Variants in CFAP20DC observed in about 807,000 individuals in gnomAD.
CFAP20DC encodes the protein CFAP20 domain containing, also known as protein CFAP20DC.
A neutral mutation model predicts 101.7 loss-of-function variants in CFAP20DC; 84 were observed. The ratio of observed to expected loss-of-function variants is 0.83; its 90% confidence interval spans 0.69 to 0.99. The LOEUF is 0.99. CFAP20DC is among the 50% of genes least tolerant of loss of function. The pLI, the probability that CFAP20DC is intolerant of heterozygous loss-of-function variation, is 0.00. For missense variants in CFAP20DC, 1,007 were observed against 970.3 expected (o/e 1.04, Z -0.50); for synonymous variants, 359 against 351.2 (o/e 1.02, Z -0.25).
Position 58,849,112 on chromosome 3 carries a change from G to A in CFAP20DC, c.1891C>T (p.Gln631Ter), listed in dbSNP as rs373366110. Residue 631 changes from glutamine (Q) to a stop codon, truncating the protein, a stop_gained, in exon 13 of 17, where the codon CAG becomes TAG. Transcript: ENST00000482387. LOFTEE classifies it high-confidence loss of function. ...PVIKAKDLSA[Q>*]QVPASLNKTS... ...TTGTTTAGTGAAGCTGGCACTTGCT[G>A]GGCTGATAGATCCTTCGCTTTGATT... The A allele has an allele frequency of 6.5e-7, 1 of 1,536,080 alleles. No individual in the cohort carries two copies. Among genetic ancestry groups the A allele is most frequent in the Non-Finnish European group, 8.7e-7 (1 of 1,146,910 alleles).
chr3:58,843,515 A>G (rs980833101), intron 13 of CFAP20DC, among the ~76,000 whole-genome samples: 35 of 151,944 alleles, frequency 2.3e-4, no homozygotes, highest in African/African-American at 8.0e-4. Flanking sequence ...GGACTATGTG[A>G]AAAGACCAAA....
At chr3:58,932,064 A>G (rs956850861) in intron 5 of CFAP20DC, among the ~76,000 whole-genome samples, 1 of 152,254 alleles carries the variant, frequency 6.6e-6, no homozygotes, top group African/African-American at 2.4e-5. Context: ...TAACCAATAC[A>G]GAGAAGTGCT....
intron 4 of CFAP20DC, among the ~76,000 whole-genome samples, chr3:58,977,064 A>G (rs2092309413): frequency 6.6e-6 from 1 of 152,202 alleles, no homozygotes; most frequent in South Asian, 2.1e-4. Flanking sequence ...GCCTGGTGAT[A>G]TTTTTGTGAC....
chr3:58,817,765 G>A (rs1400435309), intron 14 of CFAP20DC, among the ~76,000 whole-genome samples: 970 of 151,778 alleles, frequency 6.4e-3, no homozygotes, highest in African/African-American at 0.022. Context: ...GCAGGCCAAC[G>A]TTCAGATTCA....
chr3:58,780,836 T>C (rs2071763133), intron 15 of CFAP20DC, among the ~76,000 whole-genome samples: 1 of 151,926 alleles, frequency 6.6e-6, no homozygotes, highest in Non-Finnish European at 1.5e-5. Context: ...TAATAATAGC[T>C]GGGAATTTCA....
At chr3:59,035,929 A>G (rs1036152724) in intron 4 of CFAP20DC, among the ~76,000 whole-genome samples, 5 of 152,228 alleles carry the variant, frequency 3.3e-5, no homozygotes, top group Admixed American at 6.5e-5. Context: ...CCTGATGAAC[A>G]TGGATGCAAA....
chr3:58,746,390 T>C (rs1261655841), intron 16 of CFAP20DC, among the ~76,000 whole-genome samples: 1 of 152,194 alleles, frequency 6.6e-6, no homozygotes, highest in African/African-American at 2.4e-5. Flanking sequence ...TATATAATTA[T>C]TCAGTGTATT....
At chr3:58,811,002 G>A (rs1431106986) in intron 14 of CFAP20DC, among the ~76,000 whole-genome samples, 7 of 152,258 alleles carry the variant, frequency 4.6e-5, no homozygotes, top group African/African-American at 9.6e-5. Context: ...TACAAGGGAT[G>A]TGAAGGACCT....
intron 4 of CFAP20DC, among the ~76,000 whole-genome samples, chr3:58,980,851 G>T (rs1195670036): frequency 1.3e-5 from 2 of 152,156 alleles, no homozygotes; most frequent in African/African-American, 2.4e-5. Flanking sequence ...GGAAGTTCTG[G>T]CCAGGGCAAT....
Position 58,795,946 on chromosome 3 carries a change from T to C in CFAP20DC, c.2237+10449A>G, listed in dbSNP as rs946904429. On this transcript the variant is annotated intron_variant, in intron 15 of 16. Transcript: ENST00000482387. This position sits in a 1 kb window ranked among gnomAD's most constrained non-coding sequence, Gnocchi z 4.2. Reference sequence around the variant, plus strand: ...AGGCAGGTGTCTCAACTAAGGAAACTGGAGGGTGGGGTTAGCTGATGCTCA... The same window carrying C: ...AGGCAGGTGTCTCAACTAAGGAAACCGGAGGGTGGGGTTAGCTGATGCTCA... Among the ~76,000 whole-genome samples, 1 of 151,820 alleles carries C rather than the reference T, an allele frequency of 6.6e-6. No individual in the cohort carries two copies. The highest frequency in any genetic ancestry group is 1.5e-5 in the Non-Finnish European group (1 of 67,964).
At chr3:58,856,079 C>T (rs1263879284) in intron 12 of CFAP20DC, among the ~76,000 whole-genome samples, 2 of 151,168 alleles carry the variant, frequency 1.3e-5, no homozygotes, top group South Asian at 2.1e-4. Context: ...AAATATAATA[C>T]TGAAATAGCT....
intron 4 of CFAP20DC, among the ~76,000 whole-genome samples, chr3:58,943,130 T>G (rs1189097068): frequency 6.6e-6 from 1 of 152,150 alleles, no homozygotes; most frequent in African/African-American, 2.4e-5. Flanking sequence ...CTGGGGAAAG[T>G]GGTGGCTGTG....
At position 58,969,496 on chromosome 3, in the gene CFAP20DC, T is replaced by C. The variant is rs567482021; in HGVS notation, c.279-31734A>G. ...GAGCTCCAAGAGGATTGAAAACATA[T>C]GTCCACACACAAACTGGTATATGAA... On this transcript the variant is annotated intron_variant, in intron 4 of 16. Coordinates refer to ENST00000482387, the MANE Select transcript of CFAP20DC (RefSeq NM_001394063.1). Among the ~76,000 whole-genome samples, 35 of 152,274 alleles carry C rather than the reference T, an allele frequency of 2.3e-4. No homozygotes were observed. The East Asian group carries it at 5.8e-3, about 25-fold the overall frequency.
intron 6 of CFAP20DC, among the ~76,000 whole-genome samples, chr3:58,903,441 G>A (rs942829586): frequency 9.9e-5 from 15 of 152,192 alleles, no homozygotes; most frequent in Non-Finnish European, 1.8e-4. Flanking sequence ...GAAATCAAAT[G>A]TATGGTTTGT....
At chr3:58,806,750 C>T (rs758422288) in intron 14 of CFAP20DC, among the ~76,000 whole-genome samples, 17 of 152,168 alleles carry the variant, frequency 1.1e-4, no homozygotes, top group Admixed American at 1.0e-3. Context: ...GTGTGCGAGC[C>T]GAAGCAGGGC....
chr3:58,890,312 AC>A (rs1180183329), intron 6 of CFAP20DC, among the ~76,000 whole-genome samples: 70 of 125,502 alleles, frequency 5.6e-4, no homozygotes, highest in Middle Eastern at 8.9e-3. Context: ...CGGGGGGCTG[AC>A]CCCCCCACCT....
At chr3:58,737,668 C>G (rs1453291263), downstream of CFAP20DC, among the ~76,000 whole-genome samples, 4 of 152,316 alleles carry the variant, frequency 2.6e-5, no homozygotes, top group East Asian at 3.9e-4. This position sits in a 1 kb window ranked among gnomAD's most constrained non-coding sequence, Gnocchi z 4.1. Context: ...ACCTCTTCCC[C>G]ACTCCCACTG....
At chr3:58,999,248 C>G (rs1273850291) in intron 4 of CFAP20DC, among the ~76,000 whole-genome samples, 2 of 152,146 alleles carry the variant, frequency 1.3e-5, no homozygotes, top group Admixed American at 1.3e-4. Context: ...AAATTAGAAG[C>G]CAGTGATGTC....
intron 13 of CFAP20DC, among the ~76,000 whole-genome samples, chr3:58,842,738 T>C (rs1291328269): frequency 6.6e-6 from 1 of 152,202 alleles, no homozygotes; most frequent in Non-Finnish European, 1.5e-5. Context: ...AAGACAGCAG[T>C]AACCTCTGCA....
Sources: gnomAD v4.1 joint callset for allele counts (sites outside exome capture counted in the v4.1 genomes callset) on GRCh38, gnomAD v4.1.1 for gene constraint, Gnocchi (gnomAD v3.1) non-coding constraint, MANE v1.5 for transcripts, NCBI Gene and HGNC (gene_info 2026-07-23, HGNC 2026-07-21) for gene names.